Variants in CMYA5 observed in about 807,000 individuals in gnomAD.
CMYA5 encodes cardiomyopathy-associated protein 5.
Under a neutral mutation model 318.9 loss-of-function variants are expected in CMYA5, and 246 were observed. That is an observed-to-expected ratio of 0.77 (90% CI 0.70 to 0.86). The LOEUF is 0.86. CMYA5 is among the 40% of genes least tolerant of loss of function. The pLI, the probability that CMYA5 is intolerant of heterozygous loss-of-function variation, is 0.00. For synonymous variants in CMYA5, 1,641 were observed against 1,729.5 expected (o/e 0.95, Z 1.27); for missense variants, 4,589 against 4,678.2 (o/e 0.98, Z 0.56).
chr5:79,719,447 C>T (rs1210414903), intron 1 of CMYA5, among the ~76,000 whole-genome samples: 1 of 152,132 alleles, frequency 6.6e-6, no homozygotes, highest in East Asian at 1.9e-4. Context: ...CCTGATCCTT[C>T]ATTTTGAAAT....
chr5:79,731,273 C>T lies in CMYA5; in HGVS notation c.2508C>T (p.Asp836=), dbSNP rs62363673. 8,441 of 1,613,908 alleles carry T rather than the reference C, an allele frequency of 5.2e-3. 123 individuals carry two copies. The highest frequency in any genetic ancestry group is 0.051 in the African/African-American group (3,788 of 75,008). Residue 836 remains aspartate (D), a synonymous_variant, in exon 2 of 13, where the codon GAC becomes GAT. Transcript: ENST00000446378. ...CTGAGCACACAGTTCTGTCAGTAGACGGCAAGGAGGTCATTGGACCATCTT... is the reference window on the plus strand; with the variant it reads ...CTGAGCACACAGTTCTGTCAGTAGATGGCAAGGAGGTCATTGGACCATCTT... The part of the protein sequence containing the change: ...GISEHTVLSV[D]GKEVIGPSSP...
Position 79,793,688 on chromosome 5 carries a change from A to T in CMYA5, c.11963+78A>T, listed in dbSNP as rs114133357. On this transcript the variant is annotated intron_variant, in intron 12 of 12. Coordinates refer to ENST00000446378, the MANE Select transcript of CMYA5 (RefSeq NM_153610.5). ...CAGGCAGGGCTCTCTGAGGGACCTG[A>T]TAAATAGCACCCACTTCCATGCTCA... 6,403 of 1,319,200 alleles carry T rather than the reference A, an allele frequency of 4.9e-3. 237 individuals are homozygous for T. In the African/African-American group the frequency reaches 0.081, roughly 17 times the overall value. 81.7% of individuals were successfully genotyped at this position (1,319,200 alleles called of 1,614,324 possible).
chr5:79,716,308 G>T (rs1438033504), intron 1 of CMYA5, among the ~76,000 whole-genome samples: 1 of 152,202 alleles, frequency 6.6e-6, no homozygotes, highest in Non-Finnish European at 1.5e-5. Flanking sequence ...CTTAGATACA[G>T]GACAACAATG....
In CMYA5 at chr5:79,735,252, A is replaced by C; in HGVS notation, c.6487A>C (p.Lys2163Gln). The change falls in exon 2 of 13, where the codon AAG (lysine) becomes CAG (glutamine). Residue 2163 changes from lysine to glutamine, a missense_variant. Physicochemically the swap from Lys to Gln is moderately conservative, Grantham distance 53 (BLOSUM62 1). This residue lies in a region of CMYA5 where 2,431 missense variants were observed against 2,495.1 expected (regional missense o/e 0.97). Coordinates refer to ENST00000446378, the MANE Select transcript of CMYA5 (RefSeq NM_153610.5). ...TCCACCTACACAACCAAAGGTGGCT[A>C]AGCCGGACCTTCCTGAGGAAAAGGG... ...QNPPTQPKVA[K>Q]PDLPEEKGKK... 6.2e-7 allele frequency: 1 copy of C among 1,613,852 alleles called. No homozygotes were observed. The highest frequency in any genetic ancestry group is 2.2e-5 in the East Asian group (1 of 44,874).
chr5:79,722,634 GCC>G (rs1827662645), intron 1 of CMYA5, among the ~76,000 whole-genome samples: 1 of 138,870 alleles, frequency 7.2e-6, no homozygotes, highest in Non-Finnish European at 1.5e-5. Context: ...CCAAGATTGT[GCC>G]CCTGCACTCC....
At chr5:79,747,036 T>C in intron 4 of CMYA5, 55 bp from the exon 5 acceptor site, 2 of 1,057,410 alleles carry the variant, frequency 1.9e-6, no homozygotes, top group Non-Finnish European at 2.8e-6. Context: ...CTCTCTCTCT[T>C]TCTCTCTCTC....
At chr5:79,719,170 A>G (rs1212905603) in intron 1 of CMYA5, among the ~76,000 whole-genome samples, 3 of 152,194 alleles carry the variant, frequency 2.0e-5, no homozygotes, top group Non-Finnish European at 4.4e-5. Context: ...GTGGGAAACT[A>G]TTATTTTGGT....
chr5:79,766,424 C>T (rs373881209), intron 9 of CMYA5, among the ~76,000 whole-genome samples: 4 of 152,002 alleles, frequency 2.6e-5, no homozygotes, highest in Non-Finnish European at 5.9e-5. Flanking sequence ...TCATTCAGTG[C>T]GATATTGGCT....
chr5:79,708,630 A>C (rs1434343578), intron 1 of CMYA5, among the ~76,000 whole-genome samples: 4 of 151,974 alleles, frequency 2.6e-5, no homozygotes, highest in Non-Finnish European at 4.4e-5. Flanking sequence ...ATCTCAAAAA[A>C]AAAAGAAAGT....
intron 2 of CMYA5, among the ~76,000 whole-genome samples, chr5:79,742,471 G>A (rs547661353): frequency 6.6e-6 from 1 of 152,138 alleles, no homozygotes; most frequent in African/African-American, 2.4e-5. Context: ...CCAGGCAGTA[G>A]CCACTGCAGC....
chr5:79,772,290 A>T (rs1828870957), intron 9 of CMYA5, among the ~76,000 whole-genome samples: 1 of 152,228 alleles, frequency 6.6e-6, no homozygotes, highest in African/African-American at 2.4e-5. Flanking sequence ...TTTATAATAG[A>T]ACAATACAAG....
intron 1 of CMYA5, among the ~76,000 whole-genome samples, chr5:79,702,630 T>C (rs570536003): frequency 6.6e-6 from 1 of 152,242 alleles, no homozygotes; most frequent in South Asian, 2.1e-4. Context: ...GGTGATGCTT[T>C]AGGGGCATGG....
At chr5:79,788,098 C>T (rs1462839646) in intron 9 of CMYA5, among the ~76,000 whole-genome samples, 2 of 152,178 alleles carry the variant, frequency 1.3e-5, no homozygotes, top group East Asian at 1.9e-4. Flanking sequence ...AATTATATCT[C>T]CTTGCAGGAC....
intron 1 of CMYA5, among the ~76,000 whole-genome samples, chr5:79,711,331 G>A (rs1227608697): frequency 6.6e-6 from 1 of 152,164 alleles, no homozygotes; most frequent in Non-Finnish European, 1.5e-5. Flanking sequence ...CAACTTCAGA[G>A]GGATCAGGCA....
intron 6 of CMYA5, among the ~76,000 whole-genome samples, chr5:79,756,901 A>G (rs930245525): frequency 6.6e-6 from 1 of 152,178 alleles, no homozygotes; most frequent in Non-Finnish European, 1.5e-5. Context: ...ATGTAAAAAC[A>G]TGCTATTGGG....
At chr5:79,695,992 A>AATTTG (rs1398605209) in intron 1 of CMYA5, among the ~76,000 whole-genome samples, 6 of 152,220 alleles carry the variant, frequency 3.9e-5, no homozygotes, top group Admixed American at 6.5e-5. Flanking sequence ...ATATTTGTTG[A>AATTTG]TCGGATAAGT....
intron 1 of CMYA5, among the ~76,000 whole-genome samples, chr5:79,723,466 A>G (rs1473944627): frequency 1.3e-5 from 2 of 148,600 alleles, no homozygotes; most frequent in East Asian, 3.9e-4. Context: ...AAAAGAAAAG[A>G]AAAGGAGATT....
chr5:79,796,898 A>G (rs755463453), intron 12 of CMYA5, among the ~76,000 whole-genome samples: 20 of 151,432 alleles, frequency 1.3e-4, no homozygotes, highest in Non-Finnish European at 2.2e-4. Flanking sequence ...TTTTATTTTA[A>G]TTTAATATGT....
At chr5:79,708,398 G>A (rs151110050) in intron 1 of CMYA5, among the ~76,000 whole-genome samples, 2,771 of 152,220 alleles carry the variant, frequency 0.018, 26 homozygotes, top group Admixed American at 0.025. Context: ...GAGGCAGGCA[G>A]ATCACGAGGT....
Sources: allele counts gnomAD v4.1 joint callset (sites outside exome capture counted in the v4.1 genomes callset), GRCh38; gene constraint gnomAD v4.1.1; regional missense constraint gnomAD v4.1.1; transcripts MANE v1.5; gene names NCBI Gene and HGNC (gene_info 2026-07-23, HGNC 2026-07-21).